ADARB2: variants seen among roughly 807,000 people sequenced by gnomAD.
ADARB2 encodes adenosine deaminase RNA specific B2 (inactive).
Under a neutral mutation model 62.2 loss-of-function variants are expected in ADARB2, and 25 were observed. The ratio of observed to expected loss-of-function variants is 0.40; its 90% CI spans 0.29 to 0.56. The LOEUF is 0.56. Ranked by LOEUF, ADARB2 falls within the 20% of genes least tolerant of loss-of-function variation. ADARB2 has a pLI of 0.43. For missense variants in ADARB2, 1,071 were observed against 1,077.4 expected, an observed-to-expected ratio of 0.99 and a Z score of 0.08; for synonymous variants, 572 against 500.8, an observed-to-expected ratio of 1.14 and a Z score of -1.90.
At chr10:1,284,183 C>T (rs1589177475) in intron 3 of ADARB2, among the ~76,000 whole-genome samples, 4 of 152,252 alleles carry the variant, frequency 2.6e-5, no homozygotes, top group East Asian at 3.9e-4. Flanking sequence ...AGGCAGAGAT[C>T]GCTCCCACGT....
rs143852219 is a variant in ADARB2 at position 1,480,169 on chromosome 10, G to A, written c.101-101009C>T. Among the ~76,000 whole-genome samples, 179 of 152,272 alleles carry A rather than the reference G, an allele frequency of 1.2e-3. 2 individuals are homozygous for A. The highest frequency in any genetic ancestry group is 6.8e-3 in the Middle Eastern group (2 of 294). On this transcript the variant is annotated intron_variant, in intron 1 of 9. Transcript: ENST00000381312. ...TACTTTACCACTTTTATTTAATACAGTATTGGAAATTTTGGCCAGAGCAAT... is the reference window on the plus strand; with the variant it reads ...TACTTTACCACTTTTATTTAATACAATATTGGAAATTTTGGCCAGAGCAAT...
intron 3 of ADARB2, among the ~76,000 whole-genome samples, chr10:1,306,798 C>T (rs1564252792): frequency 6.6e-6 from 1 of 151,158 alleles, no homozygotes; most frequent in South Asian, 2.2e-4. Context: ...ACTATCTGAT[C>T]TTTGACAAAC....
intron 1 of ADARB2, among the ~76,000 whole-genome samples, chr10:1,648,968 C>T (rs925700567): frequency 1.3e-5 from 2 of 152,162 alleles, no homozygotes; most frequent in Non-Finnish European, 2.9e-5. Context: ...CAGCACCAGG[C>T]GGGCTGCCCC....
chr10:1,401,555 G>C (rs1386949741), intron 1 of ADARB2, among the ~76,000 whole-genome samples: 1 of 152,174 alleles, frequency 6.6e-6, no homozygotes, highest in Admixed American at 6.5e-5. Flanking sequence ...CTGACACTTG[G>C]ATCCCCATGG....
chr10:1,342,907 G>T (rs1832043396), intron 3 of ADARB2, among the ~76,000 whole-genome samples: 1 of 152,210 alleles, frequency 6.6e-6, no homozygotes, highest in Non-Finnish European at 1.5e-5. Flanking sequence ...ATAAGAAAGT[G>T]ATCTCCAAAT....
intron 3 of ADARB2, among the ~76,000 whole-genome samples, chr10:1,347,879 T>G (rs1589199890): frequency 6.8e-6 from 1 of 146,756 alleles, no homozygotes; most frequent in Admixed American, 6.8e-5. Context: ...TGGAGGGAGG[T>G]AGAGAGATAC....
chr10:1,617,389 C>T (rs77498501), intron 1 of ADARB2, among the ~76,000 whole-genome samples: 1 of 75,512 alleles, frequency 1.3e-5, no homozygotes, highest in Non-Finnish European at 2.7e-5. Flanking sequence ...TTTGTGTGCC[C>T]GTCCAGACAC....
At chr10:1,615,193 G>A (rs1833616703) in intron 1 of ADARB2, among the ~76,000 whole-genome samples, 1 of 152,242 alleles carries the variant, frequency 6.6e-6, no homozygotes, top group African/African-American at 2.4e-5. Flanking sequence ...AGAATGGTCA[G>A]CAGGTGCACT....
chr10:1,677,048 C>T (rs546244934), intron 1 of ADARB2, among the ~76,000 whole-genome samples: 16 of 152,374 alleles, frequency 1.1e-4, no homozygotes, highest in Admixed American at 5.9e-4. Context: ...CTTACACATC[C>T]GCTTCACCCC....
intron 1 of ADARB2, among the ~76,000 whole-genome samples, chr10:1,706,848 G>A (rs984293018): frequency 4.0e-5 from 6 of 151,606 alleles, no homozygotes. Context: ...ACCCTCCACT[G>A]AGGACAACCT....
chr10:1,310,325 C>T (rs1212018986), intron 3 of ADARB2, among the ~76,000 whole-genome samples: 1 of 152,100 alleles, frequency 6.6e-6, no homozygotes, highest in African/African-American at 2.4e-5. Context: ...CACTGAGGCT[C>T]AGCACTCCTG....
rs1434907519 is a variant in ADARB2 at position 1,458,443 on chromosome 10, T to C, written c.101-79283A>G. 3.3e-5 allele frequency among the ~76,000 whole-genome samples: 5 copies of C among 152,168 alleles called. No individual in the cohort carries two copies. The East Asian group carries it at 9.6e-4, about 29-fold the overall frequency. On this transcript the variant is annotated intron_variant, in intron 1 of 9. Coordinates refer to ENST00000381312, the MANE Select transcript of ADARB2 (RefSeq NM_018702.4). The stretch of plus-strand genomic sequence containing the variant: ...TTAAGCTTCTTTGCATTTTAATATA[T>C]ATTATAAGTTTTATTGATCACTAAA...
chr10:1,655,649 AACC>A, intron 1 of ADARB2, among the ~76,000 whole-genome samples: 1 of 152,286 alleles, frequency 6.6e-6, no homozygotes, highest in Middle Eastern at 3.4e-3. Flanking sequence ...GGAGATGGAA[AACC>A]ACATTAGAAA....
At chr10:1,290,796 C>T (rs888867181) in intron 3 of ADARB2, 10 of 152,336 alleles carry the variant, frequency 6.6e-5, no homozygotes, top group African/African-American at 2.2e-4. Context: ...ACTGCTTTAG[C>T]AATCAACTTC....
chr10:1,622,815 C>T (rs1427754603), intron 1 of ADARB2, among the ~76,000 whole-genome samples: 2 of 152,156 alleles, frequency 1.3e-5, no homozygotes, highest in Admixed American at 6.5e-5. Flanking sequence ...CAGAGTACTT[C>T]AGCACCTAGG....
intron 1 of ADARB2, among the ~76,000 whole-genome samples, chr10:1,716,743 C>T (rs1273967132): frequency 6.6e-6 from 1 of 152,166 alleles, no homozygotes. Flanking sequence ...CTCCATTACA[C>T]AGTTGAAGTG....
At chr10:1,400,710 AT>A (rs1204256464) in intron 1 of ADARB2, among the ~76,000 whole-genome samples, 2 of 152,076 alleles carry the variant, frequency 1.3e-5, no homozygotes, top group South Asian at 2.1e-4. Context: ...CCGGGACGAG[AT>A]GGCACTGCTC....
At chr10:1,691,749 CCCA>C (rs1276349286) in intron 1 of ADARB2, among the ~76,000 whole-genome samples, 2 of 152,314 alleles carry the variant, frequency 1.3e-5, no homozygotes, top group East Asian at 3.9e-4. Flanking sequence ...CGCACCACCT[CCCA>C]CCACATCCCA....
rs376967105 is a variant in ADARB2, at chr10:1,566,063, C to CAAAAAAAAAAAA, written c.100+170976_100+170987dup. On this transcript the variant is annotated intron_variant, in intron 1 of 9. Transcript: ENST00000381312. ...CTCCTCTAGGTTGAGCTCAGTCTAG[C>CAAAAAAAAAAAA]AAAAAAAAAAAAAAAAAAAAAAAAA... Among the ~76,000 whole-genome samples the CAAAAAAAAAAAA allele has an allele frequency of 4.7e-5, 6 of 128,062 alleles. 1 individual carries two copies. Among genetic ancestry groups the CAAAAAAAAAAAA allele is most frequent in the East Asian group, 2.1e-4 (1 of 4,708 alleles). 84.0% of individuals were successfully genotyped at this position (128,062 alleles called of 152,430 possible).
Sources: allele counts gnomAD v4.1 joint callset (sites outside exome capture counted in the v4.1 genomes callset), GRCh38; gene constraint gnomAD v4.1.1; transcripts MANE v1.5; gene names NCBI Gene and HGNC (gene_info 2026-07-23, HGNC 2026-07-21).